Variants in VPS13B observed in about 807,000 individuals in gnomAD.
VPS13B encodes vacuolar protein sorting 13 homolog B, also known as intermembrane lipid transfer protein VPS13B.
Under a neutral mutation model 426.4 loss-of-function variants are expected in VPS13B, and 285 were observed. That is an observed-to-expected ratio of 0.67 (90% CI 0.61 to 0.74). The LOEUF (loss-of-function observed/expected upper bound fraction) is 0.74, where lower values mean the gene tolerates loss of function less well. Among genes scored for constraint, VPS13B ranks in the 30% least tolerant of loss-of-function variants. The pLI, the probability that VPS13B is intolerant of heterozygous loss-of-function variation, is 0.00. For synonymous variants in VPS13B, 1,676 were observed against 1,676.4 expected, an observed-to-expected ratio of 1.00 and a Z score of 0.01; for missense variants, 4,537 against 4,782.6, an observed-to-expected ratio of 0.95 and a Z score of 1.51.
At chr8:99,476,835 T>A (rs1321700526) in intron 24 of VPS13B, among the ~76,000 whole-genome samples, 1 of 152,210 alleles carries the variant, frequency 6.6e-6, no homozygotes, top group African/African-American at 2.4e-5. Flanking sequence ...TTTTTCATGC[T>A]GAAAGGAAAT....
At chr8:99,279,709 A>C (rs1267013988) in intron 19 of VPS13B, among the ~76,000 whole-genome samples, 1 of 152,086 alleles carries the variant, frequency 6.6e-6, no homozygotes, top group African/African-American at 2.4e-5. Context: ...GCTATTTAGG[A>C]ATATAAAATG....
chr8:99,480,017 C>T (rs1426002070), intron 24 of VPS13B, among the ~76,000 whole-genome samples: 2 of 152,100 alleles, frequency 1.3e-5, no homozygotes, highest in Non-Finnish European at 2.9e-5. Flanking sequence ...AAAATGAGAG[C>T]GTTAGTTACT....
intron 19 of VPS13B, among the ~76,000 whole-genome samples, chr8:99,341,999 T>G (rs547955331): frequency 1.3e-5 from 2 of 152,354 alleles, no homozygotes; most frequent in South Asian, 4.1e-4. Context: ...ATGTAGTAAT[T>G]CCAGTTTTAT....
chr8:99,568,356 T>C (rs1294378254), intron 31 of VPS13B, among the ~76,000 whole-genome samples: 1 of 151,472 alleles, frequency 6.6e-6, no homozygotes, highest in Non-Finnish European at 1.5e-5. Context: ...AGTGGTGCAA[T>C]CTCGTCTCAC....
chr8:99,481,773 C>G lies in VPS13B; in HGVS notation c.3841C>G (p.Pro1281Ala). ...TCCTCCAGATACCAGCACATGCAGC[C>G]CATCTGCTGACATTGGGACTACTAC... The part of the protein sequence containing the change: ...TAPPDTSTCS[P>A]SADIGTTTEG... The change falls in exon 25 of 62, where the codon CCA (proline) becomes GCA (alanine). Residue 1281 changes from proline to alanine, a missense_variant. By Grantham distance (27) the Pro-to-Ala change is conservative (BLOSUM62 -1). Transcript: ENST00000357162. 6.2e-7 allele frequency: 1 copy of G among 1,613,856 alleles called. No individual in the cohort carries two copies. The highest frequency in any genetic ancestry group is 8.5e-7 in the Non-Finnish European group (1 of 1,179,814).
At chr8:99,498,319 T>G (rs1271237622) in intron 25 of VPS13B, among the ~76,000 whole-genome samples, 1 of 152,124 alleles carries the variant, frequency 6.6e-6, no homozygotes, top group Admixed American at 6.6e-5. Context: ...TTGTTTTTCT[T>G]GCTTAGTTGG....
chr8:99,048,272 T>C (rs1843335535), intron 3 of VPS13B, among the ~76,000 whole-genome samples: 1 of 152,212 alleles, frequency 6.6e-6, no homozygotes, highest in African/African-American at 2.4e-5. Flanking sequence ...GCCTCTCATA[T>C]GGACTATCTT....
chr8:99,602,721 C>A (rs1046072407), intron 33 of VPS13B, among the ~76,000 whole-genome samples: 2 of 152,228 alleles, frequency 1.3e-5, no homozygotes, highest in Non-Finnish European at 2.9e-5. Context: ...AAATCACAAG[C>A]ATTCCTATAC....
intron 28 of VPS13B, among the ~76,000 whole-genome samples, chr8:99,509,474 T>G (rs1821672947): frequency 6.6e-6 from 1 of 151,994 alleles, no homozygotes; most frequent in Admixed American, 6.6e-5. Flanking sequence ...CATTATAAAG[T>G]CTAAATTAAA....
rs1816712060 is a variant in VPS13B, at chr8:99,859,372, G to A, written c.10936G>A (p.Val3646Ile). The A allele has an allele frequency of 6.2e-7, 1 of 1,614,194 alleles. No homozygotes were observed. The highest frequency in any genetic ancestry group is 8.5e-7 in the Non-Finnish European group (1 of 1,180,038). Residue 3646 changes from valine to isoleucine, a missense_variant, in exon 57 of 62, where the codon GTC (valine) becomes ATC (isoleucine). By Grantham distance (29) the Val-to-Ile change is conservative. Coordinates refer to ENST00000357162, the MANE Select transcript of VPS13B (RefSeq NM_152564.5). ...ASLVRSIGNG[V>I]ADFFRLPYEG... is the part of the protein sequence containing the mutation. ...CCTGGTGAGAAGCATCGGGAACGGG[G>A]TCGCCGACTTCTTCAGGCTTCCGTA...
intron 4 of VPS13B, among the ~76,000 whole-genome samples, chr8:99,100,324 C>T (rs1029491687): frequency 6.6e-6 from 1 of 152,080 alleles, no homozygotes; most frequent in Admixed American, 6.6e-5. Flanking sequence ...CGGTTTCACT[C>T]CTGTCACCCA....
chr8:99,803,829 A>G (rs997501369), intron 43 of VPS13B, among the ~76,000 whole-genome samples: 24 of 152,150 alleles, frequency 1.6e-4, no homozygotes, highest in African/African-American at 5.6e-4. Context: ...TTTCGATTCA[A>G]TTGACTTTCC....
At chr8:99,037,688 A>G (rs2132219574) in intron 2 of VPS13B, among the ~76,000 whole-genome samples, 1 of 152,264 alleles carries the variant, frequency 6.6e-6, no homozygotes, top group Non-Finnish European at 1.5e-5. Context: ...AATTATATCT[A>G]GAAGTGAGAC....
At chr8:99,057,613 G>A (rs1257895206) in intron 3 of VPS13B, among the ~76,000 whole-genome samples, 1 of 152,070 alleles carries the variant, frequency 6.6e-6, no homozygotes, top group Non-Finnish European at 1.5e-5. Context: ...TGCTATTTTA[G>A]GGGTCAGTCT....
intron 3 of VPS13B, among the ~76,000 whole-genome samples, chr8:99,051,964 T>A (rs1255467910): frequency 6.6e-6 from 1 of 152,226 alleles, no homozygotes; most frequent in African/African-American, 2.4e-5. Context: ...TATACAATCA[T>A]GTCATCCACA....
chr8:99,530,183 T>C (rs1822857044), intron 30 of VPS13B, among the ~76,000 whole-genome samples: 1 of 152,238 alleles, frequency 6.6e-6, no homozygotes, highest in Non-Finnish European at 1.5e-5. Flanking sequence ...GCATCTATTT[T>C]TTAATATCTT....
At chr8:99,670,001 G>C (rs993258726) in intron 35 of VPS13B, among the ~76,000 whole-genome samples, 8 of 152,102 alleles carry the variant, frequency 5.3e-5, no homozygotes, top group Non-Finnish European at 1.2e-4. Flanking sequence ...AGAGTTCTTA[G>C]GTACAGTAAC....
chr8:99,628,591 C>T (rs1197309259), intron 33 of VPS13B, among the ~76,000 whole-genome samples: 1 of 152,084 alleles, frequency 6.6e-6, no homozygotes, highest in Non-Finnish European at 1.5e-5. Context: ...AAGGATATTG[C>T]CATCTAGTAA....
At chr8:99,370,560 T>C (rs1813119221) in intron 19 of VPS13B, among the ~76,000 whole-genome samples, 1 of 151,426 alleles carries the variant, frequency 6.6e-6, no homozygotes, top group South Asian at 2.1e-4. Flanking sequence ...ATTTATCCTC[T>C]AAATGCATAA....
Sources: gnomAD v4.1 joint callset for allele counts (sites outside exome capture counted in the v4.1 genomes callset) on GRCh38, gnomAD v4.1.1 for gene constraint, MANE v1.5 for transcripts, NCBI Gene and HGNC (gene_info 2026-07-23, HGNC 2026-07-21) for gene names.